The following HS3ST4 variants were observed in gnomAD, a reference collection of about 807,000 sequenced individuals.
HS3ST4 encodes the protein heparan sulfate glucosamine 3-O-sulfotransferase 4.
In HS3ST4, 17 loss-of-function variants were observed where a neutral mutation model predicts 29.2. The ratio of observed to expected loss-of-function variants is 0.58; its 90% CI spans 0.40 to 0.87. HS3ST4 has a LOEUF of 0.87. HS3ST4 is among the 40% of genes least tolerant of loss of function. The pLI, the probability that HS3ST4 is intolerant of heterozygous loss-of-function variation, is 0.00. For missense variants in HS3ST4, 627 were observed against 634.5 expected, an observed-to-expected ratio of 0.99 and a Z score of 0.13; for synonymous variants, 314 against 285.7, an observed-to-expected ratio of 1.10 and a Z score of -1.00.
chr16:26,058,224 G>T (rs1833141273), intron 1 of HS3ST4, among the ~76,000 whole-genome samples: 1 of 152,212 alleles, frequency 6.6e-6, no homozygotes, highest in African/African-American at 2.4e-5. Flanking sequence ...GGAGAAAGGG[G>T]CTGAGCCAGG....
intron 1 of HS3ST4, among the ~76,000 whole-genome samples, chr16:25,940,805 CA>C (rs1359524728): frequency 6.6e-6 from 1 of 152,198 alleles, no homozygotes; most frequent in African/African-American, 2.4e-5. Context: ...AACTCCTAAC[CA>C]AGTCCTTCAC....
At chr16:25,794,896 TACACAC>T (rs59740575) in intron 1 of HS3ST4, among the ~76,000 whole-genome samples, 1,860 of 136,682 alleles carry the variant, frequency 0.014, 17 homozygotes, top group African/African-American at 0.026. Context: ...TACTCAAGAA[TACACAC>T]ACACACACAC....
intron 1 of HS3ST4, among the ~76,000 whole-genome samples, chr16:25,724,772 G>T (rs545471242): frequency 2.0e-5 from 3 of 152,106 alleles, no homozygotes; most frequent in Non-Finnish European, 4.4e-5. Context: ...AAGGAGGTCA[G>T]GTCACTGGCA....
chr16:25,828,297 T>TG (rs1567249501), intron 1 of HS3ST4, among the ~76,000 whole-genome samples: 1 of 69,502 alleles, frequency 1.4e-5, no homozygotes, highest in African/African-American at 6.2e-5. Context: ...TCTTTCTTTC[T>TG]TTCCCTCTCT....
chr16:26,083,557 A>T (rs1051448805), intron 1 of HS3ST4, among the ~76,000 whole-genome samples: 1 of 152,188 alleles, frequency 6.6e-6, no homozygotes, highest in African/African-American at 2.4e-5. Context: ...CAGCTACTCA[A>T]TTCTTCTGGT....
chr16:25,841,798 A>G (rs1967415708), intron 1 of HS3ST4, among the ~76,000 whole-genome samples: 1 of 152,082 alleles, frequency 6.6e-6, no homozygotes, highest in African/African-American at 2.4e-5. Flanking sequence ...TGTGGAGACT[A>G]TTGCTTCAAT....
intron 1 of HS3ST4, among the ~76,000 whole-genome samples, chr16:25,702,673 G>A (rs1305114980): frequency 6.6e-6 from 1 of 152,110 alleles, no homozygotes; most frequent in Non-Finnish European, 1.5e-5. Context: ...TGACCAAAAT[G>A]TACTTCATAT....
intron 1 of HS3ST4, among the ~76,000 whole-genome samples, chr16:26,105,298 G>A (rs1899038250): frequency 6.6e-6 from 1 of 152,136 alleles, no homozygotes; most frequent in Non-Finnish European, 1.5e-5. Context: ...TAAGCATTGA[G>A]TAAACGTAGT....
chr16:26,076,189 A>G (rs953200465), intron 1 of HS3ST4, among the ~76,000 whole-genome samples: 1 of 152,178 alleles, frequency 6.6e-6, no homozygotes, highest in African/African-American at 2.4e-5. Context: ...TAACAGCAGG[A>G]ATAACGTGAG....
intron 1 of HS3ST4, among the ~76,000 whole-genome samples, chr16:25,721,992 G>A (rs926150716): frequency 9.9e-5 from 15 of 152,254 alleles, no homozygotes; most frequent in East Asian, 5.8e-4. Flanking sequence ...AACTGTGACT[G>A]GATTTCTCTA....
intron 1 of HS3ST4, among the ~76,000 whole-genome samples, chr16:25,920,607 T>C (rs945656218): frequency 0.028 from 2,970 of 104,290 alleles, 85 homozygotes; most frequent in African/African-American, 0.069. Context: ...CCCCCACCCC[T>C]CTTTTTTTTT....
chr16:26,079,467 T>G (rs990368647), intron 1 of HS3ST4, among the ~76,000 whole-genome samples: 1 of 152,212 alleles, frequency 6.6e-6, no homozygotes, highest in Non-Finnish European at 1.5e-5. Flanking sequence ...ATAATAACAG[T>G]AACGATAATA....
At chr16:25,743,023 C>T (rs947323148) in intron 1 of HS3ST4, among the ~76,000 whole-genome samples, 9 of 152,182 alleles carry the variant, frequency 5.9e-5, no homozygotes, top group African/African-American at 2.2e-4. Flanking sequence ...CGCAAAGCCC[C>T]TGGTCATTGA....
chr16:25,992,747 C>T (rs2141729146), intron 1 of HS3ST4, among the ~76,000 whole-genome samples: 1 of 152,328 alleles, frequency 6.6e-6, no homozygotes, highest in Non-Finnish European at 1.5e-5. Flanking sequence ...TTCTCCAGGG[C>T]TCACTTGAAT....
At chr16:25,859,712 A>G (rs1386150662) in intron 1 of HS3ST4, among the ~76,000 whole-genome samples, 5 of 152,228 alleles carry the variant, frequency 3.3e-5, no homozygotes, top group Admixed American at 1.3e-4. Context: ...ACCTTAAAAG[A>G]CACCTCACCA....
At chr16:25,880,736 T>G (rs911227496) in intron 1 of HS3ST4, among the ~76,000 whole-genome samples, 3 of 152,084 alleles carry the variant, frequency 2.0e-5, no homozygotes, top group African/African-American at 7.2e-5. Flanking sequence ...GTTGCTAAAT[T>G]AAGAAATGAA....
intron 1 of HS3ST4, among the ~76,000 whole-genome samples, chr16:26,058,292 T>C (rs569255364): frequency 1.3e-5 from 2 of 152,294 alleles, no homozygotes; most frequent in South Asian, 4.1e-4. Context: ...GAACAACCCC[T>C]GGGGATTTTC....
chr16:25,855,137 T>C (rs1967562653), intron 1 of HS3ST4, among the ~76,000 whole-genome samples: 1 of 152,104 alleles, frequency 6.6e-6, no homozygotes, highest in Non-Finnish European at 1.5e-5. Context: ...TTTTGATTGA[T>C]GGGTGGATTG....
chr16:25,985,608 C>A (rs1969053915), intron 1 of HS3ST4, among the ~76,000 whole-genome samples: 1 of 151,916 alleles, frequency 6.6e-6, no homozygotes, highest in South Asian at 2.1e-4. Flanking sequence ...TATTTCTCCT[C>A]CCCCCCTTTA....
Sources: allele counts gnomAD v4.1 joint callset (sites outside exome capture counted in the v4.1 genomes callset), GRCh38; gene constraint gnomAD v4.1.1; transcripts MANE v1.5; gene names NCBI Gene and HGNC (gene_info 2026-07-23, HGNC 2026-07-21).